The following KATNA1 variants were observed in gnomAD, a reference collection of about 807,000 sequenced individuals.
KATNA1 encodes the protein katanin catalytic subunit A1.
A neutral mutation model predicts 62.6 loss-of-function variants in KATNA1; 42 were observed. The observed-to-expected ratio is 0.67, with a 90% CI of 0.52 to 0.87. The LOEUF is 0.87. KATNA1 is among the 40% of genes least tolerant of loss of function. The probability of loss-of-function intolerance (pLI) is 0.00; values close to 1 mark genes in which losing one functional copy is unlikely to be tolerated. For missense variants in KATNA1, 498 were observed against 612.5 expected (o/e 0.81, Z 1.97); for synonymous variants, 186 against 201.9 (o/e 0.92, Z 0.67).
At chr6:149,604,807 G>A (rs144019539) in intron 4 of KATNA1, 25 bp from the exon 5 acceptor site, 73 of 1,600,298 alleles carry the variant, frequency 4.6e-5, no homozygotes, top group Middle Eastern at 3.4e-4. Context: ...AAAAACAAGC[G>A]CTTTTGATTC....
intron 4 of KATNA1, among the ~76,000 whole-genome samples, chr6:149,615,424 C>T (rs1464065480): frequency 1.3e-5 from 2 of 151,802 alleles, no homozygotes; most frequent in African/African-American, 2.4e-5. Flanking sequence ...ATGCTGGTCT[C>T]GAACTCCTGA....
intron 2 of KATNA1, among the ~76,000 whole-genome samples, chr6:149,634,320 T>TA (rs890400645): frequency 1.2e-4 from 18 of 150,658 alleles, no homozygotes; most frequent in Non-Finnish European, 5.9e-5. Context: ...TAAAATAAAA[T>TA]AAATTGCATA....
Position 149,598,273 on chromosome 6 carries a change from T to A in KATNA1, c.966A>T (p.Glu322Asp). 1 of 1,613,982 alleles carries A rather than the reference T, an allele frequency of 6.2e-7. No individual in the cohort carries two copies. Among genetic ancestry groups the A allele is most frequent in the South Asian group, 1.1e-5 (1 of 91,080 alleles). ...SICSRRGTSEEHEASRRVKAE... is the reference protein window; with the variant it reads ...SICSRRGTSEDHEASRRVKAE... ...CTTTCACCCTTCTGCTTGCTTCATGTTCTTCAGAAGTCCCTCGGCGACTAC... is the reference window on the plus strand; with the variant it reads ...CTTTCACCCTTCTGCTTGCTTCATGATCTTCAGAAGTCCCTCGGCGACTAC... Residue 322 changes from glutamate to aspartate, a missense_variant, in exon 8 of 11, where the codon GAA (glutamate) becomes GAT (aspartate). By Grantham distance (45) the Glu-to-Asp change is conservative. This residue lies in a region of KATNA1 where 267 missense variants were observed against 372.6 expected (regional missense o/e 0.72). Transcript: ENST00000367411.
At chr6:149,628,311 G>A (rs1779697958) in intron 3 of KATNA1, among the ~76,000 whole-genome samples, 1 of 140,482 alleles carries the variant, frequency 7.1e-6, no homozygotes, top group South Asian at 2.3e-4. Flanking sequence ...GGGTTTCACT[G>A]TGTTAGGCAG....
chr6:149,623,321 C>G, intron 3 of KATNA1, 38 bp from the exon 4 acceptor site: 2 of 1,463,774 alleles, frequency 1.4e-6, no homozygotes, highest in Non-Finnish European at 1.8e-6. Flanking sequence ...ATAATCAACT[C>G]CACATATGGA....
chr6:149,643,845 A>G (rs528589215), intron 1 of KATNA1, among the ~76,000 whole-genome samples: 2 of 151,100 alleles, frequency 1.3e-5, no homozygotes, highest in African/African-American at 4.9e-5. Flanking sequence ...ATATATATAT[A>G]TATTTTTTTT....
chr6:149,638,456 C>A lies in KATNA1; in HGVS notation c.92G>T (p.Gly31Val), dbSNP rs1215702317. 1.2e-6 allele frequency: 2 copies of A among 1,613,782 alleles called. No homozygotes were observed. The highest frequency in any genetic ancestry group is 8.5e-7 in the Non-Finnish European group (1 of 1,179,856). ...ATACTTGTTCATTTGGTCAAGAACT[C>A]CCTGATAATAGACCATCGCAGAGTC... ...NYDSAMVYYQ[G>V]VLDQMNKYLY... Residue 31 changes from glycine (G) to valine (V), a missense_variant, in exon 2 of 11, where the codon GGA becomes GTA. By Grantham distance (109) the Gly-to-Val change is moderately radical. Transcript: ENST00000367411.
At chr6:149,648,751 T>C (rs768151843), upstream of KATNA1, 14 of 152,312 alleles carry the variant, frequency 9.2e-5, no homozygotes, top group East Asian at 7.7e-4. Flanking sequence ...GCGAGGTCGC[T>C]GGGCGGGAGC....
At chr6:149,648,170 GTCGAAAAA>G (rs1376533635) in intron 1 of KATNA1, among the ~76,000 whole-genome samples, 3 of 152,186 alleles carry the variant, frequency 2.0e-5, no homozygotes, top group African/African-American at 7.2e-5. Flanking sequence ...GAGAGAACCA[GTCGAAAAA>G]TCGAAGAACT....
chr6:149,637,656 G>A (rs541966749), intron 2 of KATNA1, among the ~76,000 whole-genome samples: 153 of 152,030 alleles, frequency 1.0e-3, no homozygotes, highest in African/African-American at 3.7e-3. Flanking sequence ...GTGAAAGCCC[G>A]TCTCTACCAA....
intron 3 of KATNA1, 63 bp from the exon 4 acceptor site, chr6:149,623,346 G>T: frequency 8.2e-7 from 1 of 1,225,442 alleles, no homozygotes; most frequent in Non-Finnish European, 1.1e-6. Context: ...CACACATACT[G>T]TGTAAGTTAA....
At chr6:149,607,273 CTTAA>C (rs905257705) in intron 4 of KATNA1, among the ~76,000 whole-genome samples, 4 of 152,200 alleles carry the variant, frequency 2.6e-5, no homozygotes, top group Admixed American at 6.5e-5. Context: ...TAGGATTTTA[CTTAA>C]TTAGTTGAAG....
intron 2 of KATNA1, among the ~76,000 whole-genome samples, chr6:149,637,442 A>G (rs1178686019): frequency 6.6e-6 from 1 of 152,218 alleles, no homozygotes; most frequent in Non-Finnish European, 1.5e-5. Flanking sequence ...TGAGATTCAC[A>G]AGCCATTTAC....
At chr6:149,602,524 G>C (rs1778584042) in intron 6 of KATNA1, among the ~76,000 whole-genome samples, 1 of 151,994 alleles carries the variant, frequency 6.6e-6, no homozygotes, top group African/African-American at 2.4e-5. Flanking sequence ...AAGCTTTTTT[G>C]ATGGTCTTTT....
chr6:149,636,847 G>A (rs892671532), intron 2 of KATNA1, among the ~76,000 whole-genome samples: 1 of 151,756 alleles, frequency 6.6e-6, no homozygotes, highest in East Asian at 2.0e-4. Context: ...TCACCATGTT[G>A]GTCAGGCTGG....
At chr6:149,618,876 A>G (rs776558584) in intron 4 of KATNA1, among the ~76,000 whole-genome samples, 12 of 152,214 alleles carry the variant, frequency 7.9e-5, no homozygotes, top group Non-Finnish European at 1.2e-4. Context: ...CTATGAAATT[A>G]TTAGAAGATG....
At chr6:149,603,228 G>T in intron 6 of KATNA1, 40 bp downstream of exon 6, 1 of 823,602 alleles carries the variant, frequency 1.2e-6, no homozygotes. Flanking sequence ...TCAACATGCT[G>T]CCATTTACTT....
chr6:149,622,132 G>GTTTT (rs58159339), intron 4 of KATNA1, among the ~76,000 whole-genome samples: 1 of 142,316 alleles, frequency 7.0e-6, no homozygotes, highest in Non-Finnish European at 1.5e-5. Flanking sequence ...TGTTTTTTTT[G>GTTTT]TTTTTTTTTT....
chr6:149,612,179 T>G (rs1045852873), intron 4 of KATNA1, among the ~76,000 whole-genome samples: 1 of 152,030 alleles, frequency 6.6e-6, no homozygotes, highest in Non-Finnish European at 1.5e-5. Context: ...TAAAGAAATA[T>G]TCAAGCCCAG....
Sources: gnomAD v4.1 joint callset for allele counts (sites outside exome capture counted in the v4.1 genomes callset) on GRCh38, gnomAD v4.1.1 for gene constraint, gnomAD v4.1.1 regional missense constraint, MANE v1.5 for transcripts, NCBI Gene and HGNC (gene_info 2026-07-23, HGNC 2026-07-21) for gene names.